The following SLC13A1 variants were observed in gnomAD, a reference collection of about 807,000 sequenced individuals.
SLC13A1 encodes the protein solute carrier family 13 member 1.
A neutral mutation model predicts 70.0 loss-of-function variants in SLC13A1; 65 were observed. The observed-to-expected ratio is 0.93, with a 90% CI of 0.76 to 1.14. The LOEUF (loss-of-function observed/expected upper bound fraction) is 1.14, where lower values mean the gene tolerates loss of function less well. Among genes scored for constraint, SLC13A1 ranks in the 50% most tolerant of loss-of-function variants. The probability of loss-of-function intolerance (pLI) is 0.00; values close to 1 mark genes in which losing one functional copy is unlikely to be tolerated. For missense variants in SLC13A1, 726 were observed against 717.8 expected, an observed-to-expected ratio of 1.01 and a Z score of -0.13; for synonymous variants, 275 against 250.5, an observed-to-expected ratio of 1.10 and a Z score of -0.92.
chr7:123,175,209 G>A (rs890954811), intron 2 of SLC13A1, among the ~76,000 whole-genome samples: 1 of 152,026 alleles, frequency 6.6e-6, no homozygotes, highest in African/African-American at 2.4e-5. Context: ...AACAAAAAGT[G>A]CAATAAAGTA....
intron 8 of SLC13A1, among the ~76,000 whole-genome samples, chr7:123,130,591 G>GAA (rs1182890067): frequency 1.3e-5 from 2 of 152,100 alleles, no homozygotes; most frequent in African/African-American, 4.8e-5. Context: ...AGAGCATCAA[G>GAA]ATAAACAGGT....
chr7:123,137,516 C>T (rs1182294578), intron 7 of SLC13A1, among the ~76,000 whole-genome samples: 2 of 152,116 alleles, frequency 1.3e-5, no homozygotes, highest in Non-Finnish European at 2.9e-5. Flanking sequence ...GAGGAAGGGG[C>T]CCTGTAGCAA....
chr7:123,121,709 T>C (rs949993616), intron 12 of SLC13A1, among the ~76,000 whole-genome samples: 4 of 152,078 alleles, frequency 2.6e-5, no homozygotes, highest in African/African-American at 9.7e-5. Flanking sequence ...CCAGGGGCAT[T>C]TAAAAGAAAA....
intron 11 of SLC13A1, 24 bp from the exon 12 acceptor site, chr7:123,123,259 T>C: frequency 5.1e-6 from 7 of 1,382,162 alleles, no homozygotes; most frequent in Non-Finnish European, 7.2e-6. Flanking sequence ...ATCCTACAGT[T>C]ACACATTGCT....
At chr7:123,197,505 T>TA (rs1796224308) in intron 1 of SLC13A1, among the ~76,000 whole-genome samples, 1 of 152,106 alleles carries the variant, frequency 6.6e-6, no homozygotes, top group African/African-American at 2.4e-5. Flanking sequence ...CTACATTCTT[T>TA]AAAAAAATAA....
intron 12 of SLC13A1, among the ~76,000 whole-genome samples, chr7:123,121,622 G>T (rs1793385102): frequency 6.6e-6 from 1 of 152,070 alleles, no homozygotes; most frequent in Non-Finnish European, 1.5e-5. Flanking sequence ...TATGAAAATT[G>T]AAGAGGAGAT....
At chr7:123,127,787 T>G (rs1793608447) in intron 10 of SLC13A1, among the ~76,000 whole-genome samples, 1 of 150,168 alleles carries the variant, frequency 6.7e-6, no homozygotes, top group South Asian at 2.1e-4. Context: ...TTATTGTATG[T>G]GGGCAAAATA....
Position 123,117,509 on chromosome 7 carries a change from T to C in SLC13A1, c.1612A>G (p.Ile538Val). ...LLPVANPPNA[I>V]VFSYGHLKVI... ...TTCAGATGACCATATGAAAAGACAA[T>C]AGCATTGGGTGGATTTGCTACTGGT... The change falls in exon 14 of 15, where the codon ATT becomes GTT. Residue 538 changes from isoleucine (I) to valine (V), a missense_variant. By Grantham distance (29) the Ile-to-Val change is conservative (BLOSUM62 3). Transcript: ENST00000194130. 2 of 1,613,510 alleles carry C rather than the reference T, an allele frequency of 1.2e-6. No individual in the cohort carries two copies. Among genetic ancestry groups the C allele is most frequent in the African/African-American group, 1.3e-5 (1 of 74,982 alleles).
rs1793444913 is a variant in SLC13A1 at position 123,123,178 on chromosome 7, C to T, written c.1298G>A (p.Trp433Ter). ...TWKEFQSFMPWDIAILVGGGF... is the reference protein window; with the variant it reads ...TWKEFQSFMP ...TCCACCAACAAGAATGGCTATATCC[C>T]AGGGCATGAATGACTGGAATTCTTT... The change falls in exon 12 of 15, where the codon TGG (tryptophan) becomes TAG (stop). Residue 433 changes from tryptophan to a stop codon, truncating the protein, a stop_gained. Transcript: ENST00000194130. LOFTEE classifies it high-confidence loss of function. The T allele has an allele frequency of 6.2e-7, 1 of 1,613,520 alleles. No homozygotes were observed. The highest frequency in any genetic ancestry group is 2.2e-5 in the East Asian group (1 of 44,870).
At chr7:123,195,101 A>G (rs7780966) in intron 1 of SLC13A1, among the ~76,000 whole-genome samples, 64,847 of 152,000 alleles carry the variant, frequency 0.43, 13,995 homozygotes, top group African/African-American at 0.5. Context: ...ATATCACACA[A>G]TTCATCTGGC....
intron 6 of SLC13A1, among the ~76,000 whole-genome samples, chr7:123,158,204 A>G (rs1473181315): frequency 1.3e-5 from 2 of 152,100 alleles, no homozygotes; most frequent in Non-Finnish European, 2.9e-5. Context: ...AGGACCTCAG[A>G]GGTGTTGGAC....
At chr7:123,139,095 T>C (rs1235849214) in intron 7 of SLC13A1, among the ~76,000 whole-genome samples, 1 of 152,120 alleles carries the variant, frequency 6.6e-6, no homozygotes, top group Non-Finnish European at 1.5e-5. Flanking sequence ...TTTTTGTTTA[T>C]GGCAAGAAAT....
chr7:123,177,789 T>C (rs560617707), intron 2 of SLC13A1, among the ~76,000 whole-genome samples: 1 of 152,260 alleles, frequency 6.6e-6, no homozygotes, highest in South Asian at 2.1e-4. Flanking sequence ...CCCATCATCC[T>C]GTTGCATCTT....
intron 12 of SLC13A1, 100 bp downstream of exon 12, chr7:123,123,026 T>C: frequency 1.1e-6 from 1 of 952,160 alleles, no homozygotes; most frequent in Non-Finnish European, 1.7e-6. Flanking sequence ...AACATTAAAA[T>C]GACAGAGTGA....
intron 6 of SLC13A1, among the ~76,000 whole-genome samples, chr7:123,154,679 A>G (rs1794658292): frequency 6.6e-6 from 1 of 152,050 alleles, no homozygotes; most frequent in Non-Finnish European, 1.5e-5. Flanking sequence ...CTTATTTTTT[A>G]AAGTACCTAC....
intron 6 of SLC13A1, among the ~76,000 whole-genome samples, chr7:123,152,070 T>C (rs531652294): frequency 1.4e-4 from 21 of 152,154 alleles, no homozygotes; most frequent in Non-Finnish European, 1.5e-5. Flanking sequence ...AAGGAATATA[T>C]AAACACTTAT....
rs1467335307 is a variant in SLC13A1, at chr7:123,115,347, C to T, written c.*171G>A. ...ATGCTCTTTAGTTGCACTGCAATAA[C>T]AAATATGGACTCTGAGTTATAACAG... On this transcript the variant is annotated 3_prime_UTR_variant, in exon 15 of 15. Coordinates refer to ENST00000194130, the MANE Select transcript of SLC13A1 (RefSeq NM_022444.4). 1.4e-5 allele frequency: 8 copies of T among 557,414 alleles called. No homozygotes were observed. The highest frequency in any genetic ancestry group is 1.0e-4 in the Admixed American group (3 of 30,128). The allele number at this position is 557,414 out of a possible 1,614,324, so 34.5% of individuals were successfully genotyped here.
chr7:123,199,605 G>A (rs1585423624), intron 1 of SLC13A1, among the ~76,000 whole-genome samples: 1 of 151,956 alleles, frequency 6.6e-6, no homozygotes, highest in Non-Finnish European at 1.5e-5. Flanking sequence ...TAGTTGATAG[G>A]CAGAGAACAA....
intron 14 of SLC13A1, among the ~76,000 whole-genome samples, chr7:123,116,098 C>T (rs1020013240): frequency 6.6e-6 from 1 of 152,130 alleles, no homozygotes; most frequent in Non-Finnish European, 1.5e-5. Context: ...ATTCAGGACG[C>T]CATATGGCAA....
Sources: allele counts gnomAD v4.1 joint callset (sites outside exome capture counted in the v4.1 genomes callset), GRCh38; gene constraint gnomAD v4.1.1; transcripts MANE v1.5; gene names NCBI Gene and HGNC (gene_info 2026-07-23, HGNC 2026-07-21).